The following ADAM32 variants were observed in gnomAD, a reference collection of about 807,000 sequenced individuals.
ADAM32 encodes the protein ADAM metallopeptidase domain 32.
ADAM32 carries 89 observed loss-of-function variants against 114.9 expected under a neutral mutation model. That is an observed-to-expected ratio of 0.77 (90% confidence interval 0.65 to 0.92). The LOEUF (loss-of-function observed/expected upper bound fraction) is 0.92. Ranked by LOEUF, ADAM32 falls within the 40% of genes least tolerant of loss-of-function variation. The pLI is 0.00. For missense variants in ADAM32, 870 were observed against 932.8 expected (o/e 0.93, Z 0.88); for synonymous variants, 285 against 307.5 (o/e 0.93, Z 0.77).
chr8:39,133,739 A>G (rs1802604380), intron 2 of ADAM32, among the ~76,000 whole-genome samples: 1 of 152,308 alleles, frequency 6.6e-6, no homozygotes, highest in Middle Eastern at 3.4e-3. Flanking sequence ...ATGCATGGGC[A>G]CTGGTGCTGA....
intron 2 of ADAM32, among the ~76,000 whole-genome samples, chr8:39,131,235 C>T (rs960545569): frequency 4.6e-5 from 7 of 152,224 alleles, no homozygotes; most frequent in South Asian, 2.1e-4. Context: ...GGATTACAGG[C>T]GTGAGCCACC....
At position 39,234,027 on chromosome 8, in the gene ADAM32, G is replaced by A. The variant is rs114068623; in HGVS notation, c.1763G>A (p.Arg588Gln). 1.4e-3 allele frequency: 2,165 copies of A among 1,534,448 alleles called. 30 individuals carry two copies. In the African/African-American group the frequency reaches 0.027, roughly 19 times the overall value. The change falls in exon 16 of 25, where the codon CGA (arginine) becomes CAA (glutamine). Residue 588 changes from arginine (R) to glutamine (Q), a missense_variant. Arg to Gln is a conservative substitution (Grantham distance 43). Coordinates refer to ENST00000379907, the MANE Select transcript of ADAM32 (RefSeq NM_145004.7). ...VCITVDYKLPRTVPDPLAVKN... is the reference protein window; with the variant it reads ...VCITVDYKLPQTVPDPLAVKN... ...ATAACTGTAGACTACAAATTGCCTC[G>A]AACAGTTCCAGATCCACTGGCTGTC...
intron 6 of ADAM32, 147 bp from the exon 7 acceptor site, chr8:39,160,750 A>C: frequency 1.4e-6 from 1 of 692,974 alleles, no homozygotes; most frequent in East Asian, 3.1e-5. Context: ...ATAAAACTTA[A>C]AACTTTATTT....
intron 16 of ADAM32, among the ~76,000 whole-genome samples, chr8:39,235,536 C>T (rs1320438994): frequency 2.0e-5 from 3 of 152,022 alleles, no homozygotes; most frequent in African/African-American, 7.3e-5. Flanking sequence ...GCAACACAAC[C>T]AATAAAGTCT....
intron 1 of ADAM32, among the ~76,000 whole-genome samples, chr8:39,113,217 A>G (rs558779204): frequency 2.6e-5 from 4 of 152,310 alleles, no homozygotes; most frequent in African/African-American, 9.6e-5. Context: ...CAGTCAAAAG[A>G]CATGAATGGG....
intron 3 of ADAM32, among the ~76,000 whole-genome samples, chr8:39,139,201 T>C (rs887783019): frequency 2.0e-5 from 3 of 152,258 alleles, no homozygotes; most frequent in Non-Finnish European, 4.4e-5. Context: ...CTGTCTATTT[T>C]GGCTTTTGTT....
At chr8:39,272,355 T>G (rs1195303616) in intron 20 of ADAM32, among the ~76,000 whole-genome samples, 1 of 152,142 alleles carries the variant, frequency 6.6e-6, no homozygotes, top group Non-Finnish European at 1.5e-5. Flanking sequence ...CATGAGTCGC[T>G]TAACACAAAG....
chr8:39,203,002 T>C (rs1807537183), intron 11 of ADAM32, among the ~76,000 whole-genome samples: 1 of 152,222 alleles, frequency 6.6e-6, no homozygotes, highest in Admixed American at 6.5e-5. Flanking sequence ...AGAGACAGTT[T>C]GTTATAATTT....
chr8:39,191,230 T>C (rs1362326487), intron 11 of ADAM32, among the ~76,000 whole-genome samples: 4 of 152,226 alleles, frequency 2.6e-5, no homozygotes, highest in Admixed American at 6.5e-5. Context: ...GCGTGAGTCT[T>C]TATGATAGAA....
rs1461021466 is a variant in ADAM32 at position 39,136,678 on chromosome 8, C to G, written c.160C>G (p.Pro54Ala). Reference sequence around the variant, plus strand: ...CTAGGAACAAATATCCTATATTATTCCAATAGATGAGAAACTGTACACTGT... The same window carrying G: ...CTAGGAACAAATATCCTATATTATTGCAATAGATGAGAAACTGTACACTGT... ...IEYEQISYII[P>A]IDEKLYTVHL... Residue 54 changes from proline to alanine, a missense_variant, in exon 3 of 25, where the codon CCA becomes GCA. Transcript: ENST00000379907. 6.5e-7 allele frequency: 1 copy of G among 1,541,862 alleles called. No homozygotes were observed. The highest frequency in any genetic ancestry group is 8.7e-7 in the Non-Finnish European group (1 of 1,143,566).
upstream of ADAM32, chr8:39,107,703 T>G: frequency 1.3e-6 from 2 of 1,547,254 alleles, no homozygotes; most frequent in South Asian, 2.4e-5. Context: ...GCCCCCGGCG[T>G]CCGCGCGTCC....
At chr8:39,278,426 A>T (rs1203589126) in intron 22 of ADAM32, among the ~76,000 whole-genome samples, 2 of 152,134 alleles carry the variant, frequency 1.3e-5, no homozygotes, top group East Asian at 3.8e-4. Context: ...TTTCTCTGCC[A>T]CCTGTTCCCA....
At chr8:39,228,116 C>T (rs1304156380) in intron 14 of ADAM32, among the ~76,000 whole-genome samples, 1 of 152,112 alleles carries the variant, frequency 6.6e-6, no homozygotes, top group Non-Finnish European at 1.5e-5. Context: ...AAGCCACATC[C>T]ATAGGAAAAC....
intron 6 of ADAM32, 127 bp downstream of exon 6, chr8:39,151,675 C>CT (rs11381154): frequency 0.6 from 262,210 of 435,216 alleles, 55,912 homozygotes; most frequent in Admixed American, 0.78. Flanking sequence ...AACATCTTAT[C>CT]TTTTTTTTTT....
In ADAM32 at chr8:39,160,953, G is replaced by A. The variant is rs776474227; in HGVS notation, c.582G>A (p.Val194=). The A allele has an allele frequency of 3.1e-6, 5 of 1,592,314 alleles. No individual in the cohort carries two copies. Among genetic ancestry groups the A allele is most frequent in the Non-Finnish European group, 4.3e-6 (5 of 1,170,100 alleles). Residue 194 remains valine (V), a synonymous_variant, in exon 7 of 25, where the codon GTG becomes GTA. Transcript: ENST00000379907. The stretch of plus-strand genomic sequence containing the variant: ...TTTATCTAGAAATGCATATTGTGGT[G>A]GACAAAACTTTGGTATGTGTTTTGC... ...FPLYLEMHIV[V]DKTLYDYWGS... is the part of the protein sequence containing the mutation.
At chr8:39,132,770 G>T (rs1802541216) in intron 2 of ADAM32, among the ~76,000 whole-genome samples, 1 of 150,486 alleles carries the variant, frequency 6.6e-6, no homozygotes. Context: ...TTTTCTTTCA[G>T]CACTTTTTAT....
intron 2 of ADAM32, chr8:39,129,828 T>C (rs9650316): frequency 0.54 from 172,866 of 317,886 alleles, 49,184 homozygotes; most frequent in Non-Finnish European, 0.6. Context: ...TTTATAATTA[T>C]GAGTGTAATC....
chr8:39,217,851 CCAGGATTGGTCCTTGATGT>C (rs1808695250), intron 12 of ADAM32, among the ~76,000 whole-genome samples: 2 of 152,182 alleles, frequency 1.3e-5, no homozygotes, highest in South Asian at 4.1e-4. Context: ...CTCTGTTTCT[CCAGGATTGGTCCTTGATGT>C]CTTATTTAGT....
chr8:39,121,504 A>T (rs1361691714), intron 2 of ADAM32, among the ~76,000 whole-genome samples: 1 of 152,112 alleles, frequency 6.6e-6, no homozygotes, highest in African/African-American at 2.4e-5. Context: ...AATGTAGATG[A>T]CGGGTTGATG....
Sources: allele counts gnomAD v4.1 joint callset (sites outside exome capture counted in the v4.1 genomes callset), GRCh38; gene constraint gnomAD v4.1.1; transcripts MANE v1.5; gene names NCBI Gene and HGNC (gene_info 2026-07-23, HGNC 2026-07-21).